The following MYO1C variants were observed in gnomAD, a reference collection of about 807,000 sequenced individuals.
MYO1C encodes myosin IC.
In MYO1C, 104 loss-of-function variants were observed where a neutral mutation model predicts 150.8. The ratio of observed to expected loss-of-function variants is 0.69; its 90% confidence interval spans 0.59 to 0.81. MYO1C has a LOEUF of 0.81. Ranked by LOEUF, MYO1C falls within the 30% of genes least tolerant of loss-of-function variation. The pLI, the probability that MYO1C is intolerant of heterozygous loss-of-function variation, is 0.00. For missense variants in MYO1C, 1,504 were observed against 1,435.0 expected, an observed-to-expected ratio of 1.05 and a Z score of -0.78; for synonymous variants, 663 against 579.9, an observed-to-expected ratio of 1.14 and a Z score of -2.06.
intron 31 of MYO1C, among the ~76,000 whole-genome samples, chr17:1,465,960 C>T (rs1436863927): frequency 6.6e-6 from 1 of 152,018 alleles, no homozygotes; most frequent in East Asian, 1.9e-4. Context: ...AGCCGCCGCA[C>T]CCAGCCCCAG....
intron 1 of MYO1C, 141 bp downstream of exon 1, chr17:1,492,272 T>G: frequency 1.2e-6 from 1 of 805,294 alleles, no homozygotes. Flanking sequence ...CACCCCGTCT[T>G]GTTCAGTCTG....
At chr17:1,476,228 G>C (rs1042117014) in intron 14 of MYO1C, among the ~76,000 whole-genome samples, 6 of 151,584 alleles carry the variant, frequency 4.0e-5, no homozygotes, top group African/African-American at 2.4e-5. Flanking sequence ...ATCCAGGCTG[G>C]AGTGCAGTGG....
chr17:1,472,812 C>T (rs886120577), intron 17 of MYO1C, among the ~76,000 whole-genome samples: 1 of 148,946 alleles, frequency 6.7e-6, no homozygotes, highest in African/African-American at 2.6e-5. Context: ...GGAGGAGGGG[C>T]GGGTGAAGTG....
rs377690275 is a variant in MYO1C at position 1,465,648 on chromosome 17, C to T, written c.*78G>A. ...GTCCCTGGGTCCCTGTCTGGAAGTTCGAGTCTTTGGTAACTGGGAAGGGGA... is the reference window on the plus strand; with the variant it reads ...GTCCCTGGGTCCCTGTCTGGAAGTTTGAGTCTTTGGTAACTGGGAAGGGGA... On this transcript the variant is annotated 3_prime_UTR_variant, in exon 32 of 32. Transcript: ENST00000648651. 1.9e-4 allele frequency: 241 copies of T among 1,293,604 alleles called. 1 individual carries two copies. The African/African-American group carries it at 3.1e-3, about 17-fold the overall frequency. 80.1% of individuals were successfully genotyped at this position (1,293,604 alleles called of 1,614,324 possible).
In MYO1C at chr17:1,477,579, G is replaced by A. The variant is rs2074425018; in HGVS notation, c.1500C>T (p.Arg500=). 1 of 1,613,466 alleles carries A rather than the reference G, an allele frequency of 6.2e-7. No individual in the cohort carries two copies. The highest frequency in any genetic ancestry group is 8.5e-7 in the Non-Finnish European group (1 of 1,179,950). The change falls in exon 14 of 32, where the codon CGC becomes CGT. Residue 500 remains arginine (R), a synonymous_variant. Coordinates refer to ENST00000648651, the MANE Select transcript of MYO1C (RefSeq NM_001080779.2). ...AGGTCAGGTCTGTGGCCTCCCCGGG[G>A]CGCAGACACTCCTCATCCTGGGGGG... ...IISILDEECL[R]PGEATDLTFL... is the part of the protein sequence containing the mutation.
chr17:1,492,051 G>C (rs954373213), intron 1 of MYO1C: 12 of 352,316 alleles, frequency 3.4e-5, no homozygotes, highest in Non-Finnish European at 5.5e-5. Flanking sequence ...GGCGGTCCCA[G>C]CCCTGCGGAC....
chr17:1,467,176 A>T, intron 31 of MYO1C, 66 bp downstream of exon 31: 1 of 1,465,274 alleles, frequency 6.8e-7, no homozygotes, highest in Non-Finnish European at 9.4e-7. Context: ...GGGCTCTGCC[A>T]AGCACAGCCA....
At chr17:1,490,942 G>A (rs1266571252) in intron 1 of MYO1C, 1 of 152,286 alleles carries the variant, frequency 6.6e-6, no homozygotes, top group African/African-American at 2.4e-5. Context: ...CTGAGACTCG[G>A]CTCAGGTGTC....
chr17:1,486,935 C>T (rs1346456535), intron 1 of MYO1C: 1 of 152,514 alleles, frequency 6.6e-6, no homozygotes, highest in Non-Finnish European at 1.5e-5. Flanking sequence ...CACCACCCTC[C>T]CTCGCCTGGG....
intron 17 of MYO1C, among the ~76,000 whole-genome samples, chr17:1,472,923 G>C (rs985963901): frequency 6.6e-6 from 1 of 152,190 alleles, no homozygotes; most frequent in African/African-American, 2.4e-5. Flanking sequence ...GGCCGGAGCC[G>C]GGCGCGGTGG....
At chr17:1,471,418 C>G in intron 19 of MYO1C, 82 bp from the exon 20 acceptor site, 3 of 1,129,364 alleles carry the variant, frequency 2.7e-6, no homozygotes, top group Non-Finnish European at 3.9e-6. Context: ...TGGGCACCTG[C>G]TGGGTGCTCC....
Position 1,479,345 on chromosome 17 carries a change from G to A in MYO1C, c.1092+86C>T. On this transcript the variant is annotated intron_variant, in intron 9 of 31. Transcript: ENST00000648651. The surrounding 1 kb of genome is among the most constrained non-coding windows in gnomAD (Gnocchi z 4.2). ...CTTCCATCCCTCCAGCATTGCTGAGGGAACCAGGCGAAGGGGAGTGATGGG... is the reference window on the plus strand; with the variant it reads ...CTTCCATCCCTCCAGCATTGCTGAGAGAACCAGGCGAAGGGGAGTGATGGG... The A allele has an allele frequency of 1.3e-6, 1 of 781,470 alleles. No homozygotes were observed. Among genetic ancestry groups the A allele is most frequent in the South Asian group, 1.4e-5 (1 of 69,058 alleles). 48.4% of individuals were successfully genotyped at this position (781,470 alleles called of 1,614,324 possible). A position where few individuals can be genotyped will look rare whatever the true frequency, so the allele number is the denominator to read the frequency against.
chr17:1,468,408 CGA>C lies in MYO1C; in HGVS notation c.2697_2698del (p.Arg900AlafsTer5). 1 of 1,613,980 alleles carries C rather than the reference CGA, an allele frequency of 6.2e-7. No homozygotes were observed. Among genetic ancestry groups the C allele is most frequent in the Non-Finnish European group, 8.5e-7 (1 of 1,179,924 alleles). ...CTGGAAAGTCAGGGGCTCACCAAGC[CGA>C]GTGCTGATGAAGAGCCTGGGTACAC... On this transcript the variant is annotated frameshift_variant, in exon 26 of 32. Coordinates refer to ENST00000648651, the MANE Select transcript of MYO1C (RefSeq NM_001080779.2). LOFTEE classifies it high-confidence loss of function.
intron 1 of MYO1C, 74 bp downstream of exon 1, chr17:1,492,339 C>T (rs1033291744): frequency 2.7e-6 from 4 of 1,469,856 alleles, no homozygotes; most frequent in Non-Finnish European, 3.7e-6. Flanking sequence ...TGCCCGAGGG[C>T]TCGCCTGAGA....
At chr17:1,468,176 C>T (rs1217485972) in intron 27 of MYO1C, 53 bp from the exon 28 acceptor site, 1 of 1,611,834 alleles carries the variant, frequency 6.2e-7, no homozygotes, top group Non-Finnish European at 8.5e-7. Flanking sequence ...CAAGGCTCCG[C>T]CCCTGCCCTG....
intron 1 of MYO1C, among the ~76,000 whole-genome samples, chr17:1,488,187 G>A (rs1441300843): frequency 6.6e-6 from 1 of 152,174 alleles, no homozygotes; most frequent in South Asian, 2.1e-4. Context: ...GTTGGAATGA[G>A]GGGAATCCGC....
At chr17:1,469,337 T>C (rs1598322110) in intron 25 of MYO1C, 194 bp downstream of exon 25, 1 of 452,378 alleles carries the variant, frequency 2.2e-6, no homozygotes, top group Non-Finnish European at 4.2e-6. Flanking sequence ...ATAAATACGG[T>C]AGGCGGGGTA....
chr17:1,480,485 G>A, intron 7 of MYO1C, 42 bp downstream of exon 7: 1 of 1,490,422 alleles, frequency 6.7e-7, no homozygotes, highest in East Asian at 2.3e-5. Flanking sequence ...AGATTTTGGG[G>A]GTGTGACAGG....
intron 5 of MYO1C, chr17:1,481,161 T>G: frequency 2.1e-6 from 1 of 476,964 alleles, no homozygotes; most frequent in South Asian, 2.3e-5. Context: ...CACCGGACCT[T>G]CTCCCTCTTC....
Sources: gnomAD v4.1 joint callset for allele counts (sites outside exome capture counted in the v4.1 genomes callset) on GRCh38, gnomAD v4.1.1 for gene constraint, Gnocchi (gnomAD v3.1) non-coding constraint, MANE v1.5 for transcripts, NCBI Gene and HGNC (gene_info 2026-07-23, HGNC 2026-07-21) for gene names.